The following ZC3H13 variants were observed in gnomAD, a reference collection of about 807,000 sequenced individuals.
The protein encoded by ZC3H13 is zinc finger CCCH domain-containing protein 13.
In ZC3H13, 64 loss-of-function variants were observed where a neutral mutation model predicts 204.1. The ratio of observed to expected loss-of-function variants is 0.31; its 90% CI spans 0.26 to 0.39. The LOEUF is 0.39. Ranked by LOEUF, ZC3H13 falls within the 10% of genes least tolerant of loss-of-function variation. The pLI is 1.00. For missense variants in ZC3H13, 1,833 were observed against 2,082.7 expected (o/e 0.88, Z 2.33); for synonymous variants, 667 against 693.7 (o/e 0.96, Z 0.60).
At chr13:45,958,871 G>C (rs780701733) in intron 18 of ZC3H13, among the ~76,000 whole-genome samples, 1 of 151,960 alleles carries the variant, frequency 6.6e-6, no homozygotes, top group Non-Finnish European at 1.5e-5. Context: ...AGCCAGGATG[G>C]TCTCGATCTC....
chr13:46,002,221 G>A (rs2040802429), intron 8 of ZC3H13, among the ~76,000 whole-genome samples: 1 of 152,046 alleles, frequency 6.6e-6, no homozygotes, highest in Non-Finnish European at 1.5e-5. Context: ...TCACCTCAAT[G>A]AGATAAACAC....
At chr13:45,962,266 A>G in intron 17 of ZC3H13, 1 of 985,386 alleles carries the variant, frequency 1.0e-6, no homozygotes, top group Non-Finnish European at 1.2e-6. Flanking sequence ...AAGAAGTCTG[A>G]TTGTTAAGCC....
At chr13:45,984,508 C>G (rs1312783682) in intron 10 of ZC3H13, among the ~76,000 whole-genome samples, 1 of 151,966 alleles carries the variant, frequency 6.6e-6, no homozygotes, top group Non-Finnish European at 1.5e-5. Context: ...AAATAAAAAT[C>G]CAACAGTTTT....
intron 8 of ZC3H13, among the ~76,000 whole-genome samples, chr13:45,991,117 A>C (rs1215784652): frequency 1.3e-5 from 2 of 152,338 alleles, no homozygotes; most frequent in African/African-American, 4.8e-5. Context: ...CGTCAATTTA[A>C]AAAACTAAAG....
At chr13:45,964,166 G>A (rs1215121015) in intron 16 of ZC3H13, 124 bp from the exon 17 acceptor site, 1 of 809,446 alleles carries the variant, frequency 1.2e-6, no homozygotes, top group Admixed American at 3.2e-5. Context: ...AACCAAAAAT[G>A]TCCTATTCTT....
At chr13:46,017,037 C>T (rs149972709) in intron 5 of ZC3H13, among the ~76,000 whole-genome samples, 2 of 152,112 alleles carry the variant, frequency 1.3e-5, no homozygotes, top group East Asian at 3.9e-4. Context: ...CCTTAAGATA[C>T]ATAACTCAGA....
chr13:46,052,708 G>C lies in ZC3H13; in HGVS notation c.-314C>G, dbSNP rs2044574832. The C allele has an allele frequency of 2.5e-6, 1 of 398,380 alleles. No homozygotes were observed. The highest frequency in any genetic ancestry group is 4.4e-5 in the Admixed American group (1 of 22,704). The allele number at this position is 398,380 out of a possible 1,614,324, so 24.7% of individuals were successfully genotyped here. A position where few individuals can be genotyped will look rare whatever the true frequency, so the allele number is the denominator to read the frequency against. On this transcript the variant is annotated 5_prime_UTR_variant, in exon 1 of 19. Coordinates refer to ENST00000679008, the MANE Select transcript of ZC3H13 (RefSeq NM_001330564.2). ...CAACAAAAACACTACCAGGCCGCTA[G>C]GAGGACCGCCTCAAAATGCCGCCGG...
intron 17 of ZC3H13, chr13:45,963,620 T>C (rs1476605082): frequency 8.2e-6 from 11 of 1,348,664 alleles, no homozygotes; most frequent in Non-Finnish European, 1.0e-5. Context: ...AAAAAGGTCA[T>C]TGTACTCTTT....
chr13:46,048,855 G>A (rs2139252975), intron 1 of ZC3H13, among the ~76,000 whole-genome samples: 1 of 152,216 alleles, frequency 6.6e-6, no homozygotes, highest in African/African-American at 2.4e-5. Context: ...ATGTGGCCAA[G>A]CGCAGTGACT....
chr13:45,981,135 C>T (rs950254774), intron 10 of ZC3H13, among the ~76,000 whole-genome samples: 4 of 152,072 alleles, frequency 2.6e-5, no homozygotes, highest in African/African-American at 9.7e-5. Flanking sequence ...AGAAACAGTA[C>T]TGGGGCTGTG....
In ZC3H13 at chr13:45,969,170, G is replaced by C; in HGVS notation, c.3374C>G (p.Ala1125Gly). The C allele has an allele frequency of 6.2e-7, 1 of 1,614,116 alleles. No individual in the cohort carries two copies. Among genetic ancestry groups the C allele is most frequent in the Non-Finnish European group, 8.5e-7 (1 of 1,179,990 alleles). ...VPATLAATTA[A>G]AATSFSTSAI... The stretch of plus-strand genomic sequence containing the variant: ...AGATGTGCTGAAAGAGGTGGCGGCA[G>C]CAGCAGTAGTGGCAGCAAGAGTTGC... Residue 1125 changes from alanine to glycine, a missense_variant, in exon 14 of 19, where the codon GCT becomes GGT. By Grantham distance (60) the Ala-to-Gly change is moderately conservative (BLOSUM62 0). Transcript: ENST00000679008.
intron 12 of ZC3H13, among the ~76,000 whole-genome samples, chr13:45,972,032 A>G (rs1202987789): frequency 1.3e-5 from 2 of 152,144 alleles, no homozygotes; most frequent in African/African-American, 2.4e-5. Flanking sequence ...GTGAAAAGGG[A>G]ATGCTTATTC....
intron 12 of ZC3H13, among the ~76,000 whole-genome samples, chr13:45,974,135 G>A (rs1952817299): frequency 6.6e-6 from 1 of 152,230 alleles, no homozygotes; most frequent in Non-Finnish European, 1.5e-5. Flanking sequence ...GTAAACCACA[G>A]TGTTTATCCC....
intron 5 of ZC3H13, among the ~76,000 whole-genome samples, chr13:46,017,717 A>T (rs1205973322): frequency 6.6e-6 from 1 of 152,114 alleles, no homozygotes; most frequent in East Asian, 1.9e-4. Context: ...AAATATACCA[A>T]TTTTTTCTGA....
rs764460614 is a variant in ZC3H13 at position 45,980,021 on chromosome 13, C to T, written c.1721-17G>A. On this transcript the variant is annotated splice_polypyrimidine_tract_variant and intron_variant, in intron 10 of 18. Coordinates refer to ENST00000679008, the MANE Select transcript of ZC3H13 (RefSeq NM_001330564.2). ...CTCGACTTCCTAAACAAAGGATAGA[C>T]ACACAAATGTTTACCACATACACTT... is the stretch of plus-strand genomic sequence containing the variant. The T allele has an allele frequency of 6.3e-7, 1 of 1,577,122 alleles. No individual in the cohort carries two copies. The highest frequency in any genetic ancestry group is 8.6e-7 in the Non-Finnish European group (1 of 1,165,972).
intron 4 of ZC3H13, among the ~76,000 whole-genome samples, chr13:46,025,892 T>TAA (rs56296632): frequency 2.0e-5 from 3 of 147,298 alleles, no homozygotes; most frequent in Non-Finnish European, 1.5e-5. Context: ...TGATTAAAGC[T>TAA]AAAAAAAAAA....
chr13:45,982,143 A>C (rs1381170090), intron 10 of ZC3H13, among the ~76,000 whole-genome samples: 1 of 151,988 alleles, frequency 6.6e-6, no homozygotes, highest in Non-Finnish European at 1.5e-5. Context: ...AAAACAAACA[A>C]AAACACAAAG....
intron 8 of ZC3H13, among the ~76,000 whole-genome samples, chr13:45,999,642 T>C (rs893211072): frequency 2.0e-5 from 3 of 152,242 alleles, no homozygotes; most frequent in South Asian, 2.1e-4. Context: ...TCCATGAACG[T>C]TGTAATTGAC....
chr13:45,969,638 T>C lies in ZC3H13; in HGVS notation c.2906A>G (p.Lys969Arg), dbSNP rs777707669. The C allele has an allele frequency of 6.2e-7, 1 of 1,609,220 alleles. No individual in the cohort carries two copies. Among genetic ancestry groups the C allele is most frequent in the African/African-American group, 1.3e-5 (1 of 74,324 alleles). ...TATTCCAACATCATCCTCTTTCTTTTTCTTAATTGGTTTCTTTTGAATTTT... is the reference window on the plus strand; with the variant it reads ...TATTCCAACATCATCCTCTTTCTTTCTCTTAATTGGTTTCTTTTGAATTTT... Reference protein sequence around the residue: ...KAKIQKKPIKKKKEDDVGIER... With the variant: ...KAKIQKKPIKRKKEDDVGIER... The change falls in exon 14 of 19, where the codon AAA becomes AGA. Residue 969 changes from lysine (K) to arginine (R), a missense_variant. By Grantham distance (26) the Lys-to-Arg change is conservative. Transcript: ENST00000679008.
Sources: allele counts gnomAD v4.1 joint callset (sites outside exome capture counted in the v4.1 genomes callset), GRCh38; gene constraint gnomAD v4.1.1; transcripts MANE v1.5; gene names NCBI Gene and HGNC (gene_info 2026-07-23, HGNC 2026-07-21).